DAB2IP: variants seen among roughly 807,000 people sequenced by gnomAD.
DAB2IP encodes disabled homolog 2-interacting protein.
Under a neutral mutation model 107.2 loss-of-function variants are expected in DAB2IP, and 28 were observed. The ratio of observed to expected loss-of-function variants is 0.26; its 90% CI spans 0.19 to 0.36. The LOEUF (loss-of-function observed/expected upper bound fraction) is 0.36, where lower values mean the gene tolerates loss of function less well. DAB2IP is among the 10% of genes least tolerant of loss of function. The pLI is 1.00. For synonymous variants in DAB2IP, 755 were observed against 706.4 expected, an observed-to-expected ratio of 1.07 and a Z score of -1.09; for missense variants, 1,400 against 1,644.7, an observed-to-expected ratio of 0.85 and a Z score of 2.57.
intron 1 of DAB2IP, among the ~76,000 whole-genome samples, chr9:121,625,139 A>G (rs1344720334): frequency 6.6e-6 from 1 of 152,122 alleles, no homozygotes; most frequent in Non-Finnish European, 1.5e-5. Flanking sequence ...CAGAGGAGGA[A>G]GTAGAGGCTC....
In DAB2IP at chr9:121,664,754, C is replaced by T. The variant is rs75553729; in HGVS notation, c.124+12855C>T. 5.3e-4 allele frequency among the ~76,000 whole-genome samples: 80 copies of T among 152,306 alleles called. 1 individual carries two copies. The highest frequency in any genetic ancestry group is 1.8e-3 in the African/African-American group (76 of 41,574). ...AGACAAAGGACTCTATGATCCATGG[C>T]GTAGCAGATGGAATAAGCTTCAGGT... is the stretch of plus-strand genomic sequence containing the variant. On this transcript the variant is annotated intron_variant, in intron 1 of 15. Coordinates refer to ENST00000408936, the Ensembl canonical transcript of DAB2IP.
intron 1 of DAB2IP, among the ~76,000 whole-genome samples, chr9:121,587,071 C>A (rs977017604): frequency 2.6e-5 from 4 of 152,178 alleles, no homozygotes; most frequent in Admixed American, 6.5e-5. Flanking sequence ...AGTCTCTTGT[C>A]CCCTCAGTAA....
intron 3 of DAB2IP, among the ~76,000 whole-genome samples, chr9:121,715,347 C>CTTTTTTTT (rs201505312): frequency 6.7e-6 from 1 of 148,608 alleles, no homozygotes; most frequent in African/African-American, 2.5e-5. Flanking sequence ...CTTTTTCTTT[C>CTTTTTTTT]TTTCTTTTTT....
chr9:121,782,856 T>A lies in DAB2IP; in HGVS notation c.*358T>A. 1 of 1,062,444 alleles carries A rather than the reference T, an allele frequency of 9.4e-7. No homozygotes were observed. Among genetic ancestry groups the A allele is most frequent in the Non-Finnish European group, 1.1e-6 (1 of 878,846 alleles). 65.8% of individuals were successfully genotyped at this position (1,062,444 alleles called of 1,614,324 possible). On this transcript the variant is annotated 3_prime_UTR_variant, in exon 16 of 16. Coordinates refer to ENST00000408936, the Ensembl canonical transcript of DAB2IP. This position sits in a 1 kb window ranked among gnomAD's most constrained non-coding sequence, Gnocchi z 6.1. ...CCGAGTGCATGTGTCCCCCCACACC[T>A]GTGCCAGGGAGGGGGCTTCCTGGAG...
chr9:121,636,641 C>T (rs1226925273), intron 1 of DAB2IP, among the ~76,000 whole-genome samples: 1 of 152,184 alleles, frequency 6.6e-6, no homozygotes, highest in African/African-American at 2.4e-5. Flanking sequence ...GTGAGGTAAG[C>T]AGCTTGGCCT....
At chr9:121,713,213 C>T (rs925123312) in intron 3 of DAB2IP, among the ~76,000 whole-genome samples, 4 of 152,138 alleles carry the variant, frequency 2.6e-5, no homozygotes, top group African/African-American at 9.7e-5. Flanking sequence ...ATATTTAAAC[C>T]CACGTCTGCC....
At chr9:121,756,202 C>T (rs960320637) in intron 3 of DAB2IP, among the ~76,000 whole-genome samples, 7 of 152,188 alleles carry the variant, frequency 4.6e-5, no homozygotes, top group South Asian at 2.1e-4. Flanking sequence ...GTGTCATCTG[C>T]GGTGCTTTCC....
intron 1 of DAB2IP, among the ~76,000 whole-genome samples, chr9:121,594,219 T>C (rs1830479724): frequency 6.6e-6 from 1 of 151,258 alleles, no homozygotes; most frequent in Non-Finnish European, 1.5e-5. Context: ...TGGGTCAGCT[T>C]GGATATGAAT....
At chr9:121,583,984 C>G (rs1830261335) in intron 1 of DAB2IP, among the ~76,000 whole-genome samples, 1 of 152,108 alleles carries the variant, frequency 6.6e-6, no homozygotes, top group African/African-American at 2.4e-5. Context: ...TGAGACCAGC[C>G]TGGCCAACAT....
chr9:121,649,689 G>A (rs962015088), upstream of DAB2IP, among the ~76,000 whole-genome samples: 2 of 152,220 alleles, frequency 1.3e-5, no homozygotes, highest in African/African-American at 4.8e-5. Flanking sequence ...GCCAAGATGT[G>A]GACAGGTGGT....
intron 1 of DAB2IP, among the ~76,000 whole-genome samples, chr9:121,614,372 G>A (rs947007416): frequency 1.6e-5 from 2 of 122,272 alleles, no homozygotes; most frequent in South Asian, 2.5e-4. Flanking sequence ...AGGGAGTCTC[G>A]CTCTGTTGCC....
rs1258724563 is a variant in DAB2IP, at chr9:121,776,093, G to A, written c.3121-105G>A. ...AAGTGGGCGGGTCACAGCCACTGGG[G>A]CCTTTCAAGTGGGGCTCCCTCCTAC... On this transcript the variant is annotated intron_variant, in intron 13 of 15. Transcript: ENST00000408936. This position sits in a 1 kb window ranked among gnomAD's most constrained non-coding sequence, Gnocchi z 5.4. 1.2e-5 allele frequency: 16 copies of A among 1,337,442 alleles called. No homozygotes were observed. Among genetic ancestry groups the A allele is most frequent in the Non-Finnish European group, 1.6e-5 (16 of 982,216 alleles). 82.8% of individuals were successfully genotyped at this position (1,337,442 alleles called of 1,614,324 possible).
rs1832028757 is a variant in DAB2IP at position 121,634,915 on chromosome 9, C to CA, written c.41-43762dup. Among the ~76,000 whole-genome samples the CA allele has an allele frequency of 6.6e-6, 1 of 152,336 alleles. No homozygotes were observed. Among genetic ancestry groups the CA allele is most frequent in the South Asian group, 2.1e-4 (1 of 4,830 alleles). On this transcript the variant is annotated intron_variant, in intron 1 of 16. Transcript: ENST00000259371. This position sits in a 1 kb window ranked among gnomAD's most constrained non-coding sequence, Gnocchi z 4.7. The stretch of plus-strand genomic sequence containing the variant: ...CTGACTTGCACCTCAGAGGCACCCC[C>CA]AGCCCCCTCAGCCAGAACAGCCAAC...
intron 1 of DAB2IP, among the ~76,000 whole-genome samples, chr9:121,660,867 C>A (rs1833172155): frequency 6.6e-6 from 1 of 152,036 alleles, no homozygotes. Flanking sequence ...GTCAGTGGTT[C>A]TGTGTGGCCC....
At chr9:121,570,078 G>A (rs1829900921) in intron 1 of DAB2IP, among the ~76,000 whole-genome samples, 3 of 150,288 alleles carry the variant, frequency 2.0e-5, no homozygotes, top group Non-Finnish European at 3.0e-5. Flanking sequence ...CTAGGCGTGA[G>A]CCACAGCAGT....
At position 121,599,160 on chromosome 9, in the gene DAB2IP, TG is replaced by T. The variant is rs1830604808; in HGVS notation, c.40+31934del. On this transcript the variant is annotated intron_variant, in intron 1 of 16. Transcript: ENST00000259371. The surrounding 1 kb of genome is among the most constrained non-coding windows in gnomAD (Gnocchi z 6.9). ...TCTAGCGGGAAGGGGAGCTGTAGGG[TG>T]GAAGAGGGATAAGTAAAGCAAAGTC... 6.6e-6 allele frequency among the ~76,000 whole-genome samples: 1 copy of T among 151,678 alleles called. No individual in the cohort carries two copies. Among genetic ancestry groups the T allele is most frequent in the Non-Finnish European group, 1.5e-5 (1 of 67,912 alleles).
chr9:121,731,458 C>T (rs1347752255), intron 3 of DAB2IP, among the ~76,000 whole-genome samples: 1 of 152,216 alleles, frequency 6.6e-6, no homozygotes, highest in African/African-American at 2.4e-5. Context: ...CCTCTGCCCT[C>T]CTTGAAGTAG....
At chr9:121,779,781 A>G (rs1835463360) in intron 14 of DAB2IP, among the ~76,000 whole-genome samples, 1 of 152,140 alleles carries the variant, frequency 6.6e-6, no homozygotes, top group Admixed American at 6.5e-5. Context: ...CTGCATGCGG[A>G]TATTATTCAG....
rs942755580 is a variant in DAB2IP, at chr9:121,760,723, A to G, written c.1170+284A>G. ...GAGGTGCCTTCCACCACTGCTGCAG[A>G]GGACCGACCCCCTGAGGCGCCAGGG... On this transcript the variant is annotated intron_variant, in intron 6 of 15. Transcript: ENST00000408936. The surrounding 1 kb of genome is among the most constrained non-coding windows in gnomAD (Gnocchi z 5.9). 6.6e-6 allele frequency among the ~76,000 whole-genome samples: 1 copy of G among 152,072 alleles called. No individual in the cohort carries two copies. The highest frequency in any genetic ancestry group is 1.5e-5 in the Non-Finnish European group (1 of 68,020).
Sources: gnomAD v4.1 joint callset for allele counts (sites outside exome capture counted in the v4.1 genomes callset) on GRCh38, gnomAD v4.1.1 for gene constraint, Gnocchi (gnomAD v3.1) non-coding constraint, MANE v1.5 for transcripts, NCBI Gene and HGNC (gene_info 2026-07-23, HGNC 2026-07-21) for gene names.